Variants in FNBP4 observed in about 807,000 individuals in gnomAD.
FNBP4 encodes formin binding protein 4, also known as formin-binding protein 4.
FNBP4 carries 34 observed loss-of-function variants against 119.3 expected under a neutral mutation model. The observed-to-expected ratio is 0.28, with a 90% confidence interval of 0.22 to 0.38. The LOEUF (loss-of-function observed/expected upper bound fraction) is 0.38. Among genes scored for constraint, FNBP4 ranks in the 10% least tolerant of loss-of-function variants. The probability of loss-of-function intolerance (pLI) is 1.00; values close to 1 mark genes in which losing one functional copy is unlikely to be tolerated. For synonymous variants in FNBP4, 462 were observed against 430.6 expected (o/e 1.07, Z -0.90); for missense variants, 1,112 against 1,228.9 (o/e 0.90, Z 1.42).
In FNBP4 at chr11:47,731,431, A is replaced by G. The variant is rs763556428; in HGVS notation, c.1951T>C (p.Leu651=). 37 of 1,613,808 alleles carry G rather than the reference A, an allele frequency of 2.3e-5. No individual in the cohort carries two copies. Among genetic ancestry groups the G allele is most frequent in the Non-Finnish European group, 2.9e-5 (34 of 1,179,946 alleles). ...NRDETLAKQT[L]KDKTGTDSNS... ...GAATCAGTGCCAGTTTTGTCTTTCA[A>G]GGTCTGTTTGGCAAGAGTCTCATCT... The change falls in exon 12 of 17, where the codon TTG becomes CTG. Residue 651 remains leucine (L), a synonymous_variant. Coordinates refer to ENST00000263773, the MANE Select transcript of FNBP4 (RefSeq NM_015308.5).
rs1387541399 is a variant in FNBP4, at chr11:47,744,119, C to A, written c.1290G>T (p.Gly430=). 4.3e-6 allele frequency: 7 copies of A among 1,613,984 alleles called. No individual in the cohort carries two copies. Among genetic ancestry groups the A allele is most frequent in the Non-Finnish European group, 5.9e-6 (7 of 1,180,020 alleles). ...ALEEGDGSVS[G]SSPRSDISQP... is the part of the protein sequence containing the mutation. Reference sequence around the variant, plus strand: ...GGCTGATATCAGAACGTGGACTAGACCCTGACACACTACCATCTCCTTCCT... The same window carrying A: ...GGCTGATATCAGAACGTGGACTAGAACCTGACACACTACCATCTCCTTCCT... The change falls in exon 8 of 17, where the codon GGG becomes GGT. Residue 430 remains glycine, a synonymous_variant. Coordinates refer to ENST00000263773, the MANE Select transcript of FNBP4 (RefSeq NM_015308.5).
At chr11:47,740,601 T>C (rs1455491105) in intron 8 of FNBP4, among the ~76,000 whole-genome samples, 1 of 66,846 alleles carries the variant, frequency 1.5e-5, no homozygotes, top group Non-Finnish European at 4.8e-5. Flanking sequence ...ATGTATTTGT[T>C]TTTTTTTTCC....
intron 4 of FNBP4, among the ~76,000 whole-genome samples, chr11:47,752,042 C>T (rs2097605046): frequency 6.6e-6 from 1 of 152,090 alleles, no homozygotes; most frequent in African/African-American, 2.4e-5. Context: ...CTGGCAAGGA[C>T]AAGCAATTAC....
chr11:47,730,151 T>C (rs2097565763), intron 12 of FNBP4: 19 of 985,310 alleles, frequency 1.9e-5, no homozygotes, highest in Non-Finnish European at 2.2e-5. Context: ...TGGAGCCACC[T>C]ATCCAGAACT....
At chr11:47,735,545 C>T (rs905720018) in intron 9 of FNBP4, among the ~76,000 whole-genome samples, 1 of 152,224 alleles carries the variant, frequency 6.6e-6, no homozygotes, top group Non-Finnish European at 1.5e-5. Flanking sequence ...GGAATTAAAT[C>T]TGTGACTTTT....
At chr11:47,731,617 T>C in intron 11 of FNBP4, 56 bp from the exon 12 acceptor site, 1 of 1,553,138 alleles carries the variant, frequency 6.4e-7, no homozygotes, top group Non-Finnish European at 8.7e-7. Context: ...ACAAAGACAC[T>C]TCCATTTGGT....
At position 47,767,248 on chromosome 11, in the gene FNBP4, A is replaced by G; in HGVS notation, c.41T>C (p.Ile14Thr). ...AGGACCCGGCGGAGAGAGTTGCAGG[A>G]TGGGCCTACGGCCGGGTACCGCCCG... is the stretch of plus-strand genomic sequence containing the variant. ...KSRAVPGRRPILQLSPPGPRG... is the reference protein window; with the variant it reads ...KSRAVPGRRPTLQLSPPGPRG... Residue 14 changes from isoleucine to threonine, a missense_variant, in exon 1 of 17, where the codon ATC becomes ACC. Transcript: ENST00000263773. The G allele has an allele frequency of 6.4e-7, 1 of 1,568,688 alleles. No individual in the cohort carries two copies. The highest frequency in any genetic ancestry group is 2.3e-5 in the East Asian group (1 of 42,610).
intron 8 of FNBP4, among the ~76,000 whole-genome samples, chr11:47,739,940 G>A (rs561107292): frequency 6.0e-5 from 8 of 132,414 alleles, no homozygotes; most frequent in African/African-American, 1.1e-4. Context: ...CACCACGCCC[G>A]GCTAGTTTTA....
chr11:47,758,641 G>C (rs1317982523), intron 2 of FNBP4, among the ~76,000 whole-genome samples: 5 of 151,952 alleles, frequency 3.3e-5, no homozygotes, highest in Non-Finnish European at 4.4e-5. Flanking sequence ...GAGGCAGGTG[G>C]ATCACGAGGT....
At chr11:47,752,101 C>T (rs1242171569) in intron 4 of FNBP4, among the ~76,000 whole-genome samples, 1 of 152,082 alleles carries the variant, frequency 6.6e-6, no homozygotes, top group African/African-American at 2.4e-5. Context: ...AGCCGACTAT[C>T]CTACCTACCA....
At chr11:47,735,531 C>T (rs564380518) in intron 9 of FNBP4, among the ~76,000 whole-genome samples, 1 of 152,290 alleles carries the variant, frequency 6.6e-6, no homozygotes, top group African/African-American at 2.4e-5. Context: ...AAGTATTTCA[C>T]ACAGGAATTA....
At chr11:47,749,433 C>T (rs1428072965) in intron 6 of FNBP4, among the ~76,000 whole-genome samples, 3 of 151,984 alleles carry the variant, frequency 2.0e-5, no homozygotes, top group Non-Finnish European at 4.4e-5. Context: ...AGGCGTTGTG[C>T]CTGTAATCCA....
Position 47,732,432 on chromosome 11 carries a change from T to C in FNBP4, c.1820+105A>G. ...CCTGCCCAGCACCGCTAACTGCAGC[T>C]GCTCTCAGTCTCCAGACAGGCTGTC... On this transcript the variant is annotated intron_variant, in intron 11 of 16. Coordinates refer to ENST00000263773, the MANE Select transcript of FNBP4 (RefSeq NM_015308.5). This position sits in a 1 kb window ranked among gnomAD's most constrained non-coding sequence, Gnocchi z 4.2. 6.4e-7 allele frequency: 1 copy of C among 1,565,486 alleles called. No homozygotes were observed. The highest frequency in any genetic ancestry group is 8.7e-7 in the Non-Finnish European group (1 of 1,154,992).
Position 47,736,645 on chromosome 11 carries a change from G to T in FNBP4, c.1552C>A (p.Pro518Thr). Residue 518 changes from proline (P) to threonine (T), a missense_variant, in exon 9 of 17, where the codon CCA becomes ACA. Around this residue, in one of 2 missense-constraint regions of FNBP4, gnomAD observed 826 missense variants for 988.8 expected, o/e 0.84. Transcript: ENST00000263773. ...AAATCCTGTTCTTCTTCTACTTTTG[G>T]TGTTGTCTGTACTTTTATTTTCTCT... ...SPEKIKVQTT[P>T]KVEEEQDLKF... 1 of 1,599,736 alleles carries T rather than the reference G, an allele frequency of 6.3e-7. No homozygotes were observed. Among genetic ancestry groups the T allele is most frequent in the South Asian group, 1.1e-5 (1 of 90,378 alleles).
intron 2 of FNBP4, among the ~76,000 whole-genome samples, chr11:47,758,493 C>A (rs552335789): frequency 6.6e-6 from 1 of 152,080 alleles, no homozygotes; most frequent in East Asian, 1.9e-4. Context: ...TGAGCCACCT[C>A]GTCTGACCAC....
chr11:47,765,396 A>AAAGAAAAGAG, intron 1 of FNBP4, 34 bp from the exon 2 acceptor site: 1 of 1,350,906 alleles, frequency 7.4e-7, no homozygotes, highest in South Asian at 1.3e-5. Flanking sequence ...AAAGAAAAGA[A>AAAGAAAAGAG]AAGAAAAGAA....
At chr11:47,752,494 C>T (rs1313328070) in intron 4 of FNBP4, among the ~76,000 whole-genome samples, 1 of 151,602 alleles carries the variant, frequency 6.6e-6, no homozygotes, top group Non-Finnish European at 1.5e-5. Context: ...AGGTTAAAGT[C>T]TCTGGGCTTT....
At position 47,765,350 on chromosome 11, in the gene FNBP4, G is replaced by A. The variant is rs74482566; in HGVS notation, c.233C>T (p.Ala78Val). The change falls in exon 2 of 17, where the codon GCG becomes GTG. Residue 78 changes from alanine (A) to valine (V), a missense_variant. This residue lies in a region of FNBP4 where 286 missense variants were observed against 240.1 expected (regional missense o/e 1.19). Coordinates refer to ENST00000263773, the MANE Select transcript of FNBP4 (RefSeq NM_015308.5). Reference sequence around the variant, plus strand: ...AACAACTCTAGGAACCTCCTGCACCGCTTCCTGTTCATCTGGATTAAAAAA... The same window carrying A: ...AACAACTCTAGGAACCTCCTGCACCACTTCCTGTTCATCTGGATTAAAAAA... ...DDSPSEDEQE[A>V]VQEVPRVVQN... 1.9e-5 allele frequency: 30 copies of A among 1,580,546 alleles called. No individual in the cohort carries two copies. The East Asian group carries it at 3.6e-4, about 19-fold the overall frequency.
intron 8 of FNBP4, among the ~76,000 whole-genome samples, chr11:47,742,273 G>GT (rs1270954729): frequency 6.6e-6 from 1 of 151,858 alleles, no homozygotes. Context: ...AAGATCAGAT[G>GT]TTTGAGACCA....
Sources: allele counts gnomAD v4.1 joint callset (sites outside exome capture counted in the v4.1 genomes callset), GRCh38; gene constraint gnomAD v4.1.1; regional missense constraint gnomAD v4.1.1; non-coding constraint Gnocchi (gnomAD v3.1); transcripts MANE v1.5; gene names NCBI Gene and HGNC (gene_info 2026-07-23, HGNC 2026-07-21).